CAPN2: variants seen among roughly 807,000 people sequenced by gnomAD.
CAPN2 encodes calpain 2, also known as calpain-2 catalytic subunit.
In CAPN2, 92 loss-of-function variants were observed where a neutral mutation model predicts 102.3. That is an observed-to-expected ratio of 0.90 (90% confidence interval 0.76 to 1.07). The LOEUF is 1.07. Ranked by LOEUF, CAPN2 falls within the 50% of genes least tolerant of loss-of-function variation. The pLI, the probability that CAPN2 is intolerant of heterozygous loss-of-function variation, is 0.00. For missense variants in CAPN2, 800 were observed against 909.4 expected (o/e 0.88, Z 1.55); for synonymous variants, 340 against 355.4 (o/e 0.96, Z 0.49).
At chr1:223,701,674 T>C (rs1339310175) in exon 1 of CAPN2, 2 of 151,944 alleles carry the variant, frequency 1.3e-5, no homozygotes, top group Non-Finnish European at 2.9e-5. Context: ...GATGTTCGAC[T>C]ATGTGGAGAA....
At position 223,744,225 on chromosome 1, in the gene CAPN2, T is replaced by G; in HGVS notation, c.426+7T>G. 6.3e-7 allele frequency: 1 copy of G among 1,582,928 alleles called. No homozygotes were observed. The highest frequency in any genetic ancestry group is 8.7e-7 in the Non-Finnish European group (1 of 1,151,454). The stretch of plus-strand genomic sequence containing the variant: ...AGGGATCTTTCACTTCCAGGTAACT[T>G]AATGGTTGGCTCAGGTGGTTCCTCA... On this transcript the variant is annotated splice_region_variant and intron_variant, in intron 3 of 20. Transcript: ENST00000295006.
Position 223,775,548 on chromosome 1 carries a change from G to A in CAPN2, c.*691G>A, listed in dbSNP as rs1803242. The A allele has an allele frequency of 3.3e-5, 5 of 152,454 alleles. No homozygotes were observed. The highest frequency in any genetic ancestry group is 2.1e-4 in the South Asian group (1 of 4,824). 9.4% of individuals were successfully genotyped at this position (152,454 alleles called of 1,614,324 possible). The stretch of plus-strand genomic sequence containing the variant: ...CTTACAAAGACCAAAGGGATCCTGC[G>A]CTTGATCAACTGAACCAGTATGCCA... On this transcript the variant is annotated 3_prime_UTR_variant, in exon 21 of 21. Transcript: ENST00000295006.
At chr1:223,745,520 C>G (rs1660733068) in intron 4 of CAPN2, 81 bp downstream of exon 4, 5 of 1,555,772 alleles carry the variant, frequency 3.2e-6, no homozygotes, top group Non-Finnish European at 4.4e-6. Flanking sequence ...CCTGTAATCT[C>G]AGCACTTTGG....
chr1:223,754,209 C>T lies in CAPN2; in HGVS notation c.1135+1253C>T, dbSNP rs28370090. ...ATGAGGAAGCTGAGCCTCTAAGTCG[C>T]ATACCAGGGCCACAGAGCAAGTAGT... On this transcript the variant is annotated intron_variant, in intron 9 of 20. Transcript: ENST00000295006. The surrounding 1 kb of genome is among the most constrained non-coding windows in gnomAD (Gnocchi z 4.7). Among the ~76,000 whole-genome samples, 744 of 152,310 alleles carry T rather than the reference C, an allele frequency of 4.9e-3. 4 individuals carry two copies. Among genetic ancestry groups the T allele is most frequent in the African/African-American group, 0.017 (720 of 41,566 alleles).
chr1:223,706,121 A>T (rs1305323582), intron 1 of CAPN2, among the ~76,000 whole-genome samples: 2 of 152,226 alleles, frequency 1.3e-5, no homozygotes, highest in Non-Finnish European at 2.9e-5. Flanking sequence ...TAATACCCTA[A>T]GCTCCAACAG....
At position 223,766,421 on chromosome 1, in the gene CAPN2, A is replaced by G; in HGVS notation, c.1745A>G (p.Asp582Gly). The part of the protein sequence containing the change: ...FSIETCKIMV[D>G]MLDSDGSGKL... ...ATCGAGACATGCAAAATTATGGTTGACATGCTAGATGTATCCTTTAATGTG... is the reference window on the plus strand; with the variant it reads ...ATCGAGACATGCAAAATTATGGTTGGCATGCTAGATGTATCCTTTAATGTG... The change falls in exon 16 of 21, where the codon GAC becomes GGC. Residue 582 changes from aspartate to glycine, a missense_variant. Coordinates refer to ENST00000295006, the MANE Select transcript of CAPN2 (RefSeq NM_001748.5). The G allele has an allele frequency of 1.2e-6, 2 of 1,612,286 alleles. No individual in the cohort carries two copies. The highest frequency in any genetic ancestry group is 2.7e-5 in the African/African-American group (2 of 75,042).
intron 2 of CAPN2, among the ~76,000 whole-genome samples, chr1:223,733,770 C>T (rs1052241667): frequency 4.6e-5 from 7 of 152,194 alleles, no homozygotes; most frequent in African/African-American, 1.7e-4. Context: ...GAGAGGATTT[C>T]CCAGAGACCC....
chr1:223,747,220 G>A (rs1277392616), intron 5 of CAPN2, 55 bp downstream of exon 5: 23 of 1,519,956 alleles, frequency 1.5e-5, no homozygotes, highest in Non-Finnish European at 1.7e-5. Context: ...CTGAAGGGAG[G>A]CTCCCACAGT....
intron 15 of CAPN2, among the ~76,000 whole-genome samples, chr1:223,764,790 G>A (rs1375244365): frequency 6.6e-6 from 1 of 152,106 alleles, no homozygotes; most frequent in African/African-American, 2.4e-5. Context: ...GTTTCTCCAT[G>A]TTGGCCAGGC....
intron 11 of CAPN2, chr1:223,758,954 G>C (rs1371831964): frequency 2.7e-6 from 1 of 370,608 alleles, no homozygotes; most frequent in Non-Finnish European, 5.2e-6. Context: ...GCCTCCCAAA[G>C]TGCTGGTATT....
Position 223,744,219 on chromosome 1 carries a change from G to A in CAPN2, c.426+1G>A. ...CTATGCAGGGATCTTTCACTTCCAG[G>A]TAACTTAATGGTTGGCTCAGGTGGT... On this transcript the variant is annotated splice_donor_variant, in intron 3 of 20. Transcript: ENST00000295006. LOFTEE classifies it high-confidence loss of function. 6.3e-7 allele frequency: 1 copy of A among 1,594,316 alleles called. No homozygotes were observed. The highest frequency in any genetic ancestry group is 8.6e-7 in the Non-Finnish European group (1 of 1,161,868).
chr1:223,714,621 T>TAAAAAAAAAAAAA (rs373544472), intron 1 of CAPN2, among the ~76,000 whole-genome samples: 17 of 130,928 alleles, frequency 1.3e-4, no homozygotes, highest in African/African-American at 2.9e-4. Flanking sequence ...TATAAAAAAG[T>TAAAAAAAAAAAAA]AAAAAAAAAA....
chr1:223,718,946 G>C (rs892539921), intron 2 of CAPN2, among the ~76,000 whole-genome samples: 1 of 152,174 alleles, frequency 6.6e-6, no homozygotes, highest in African/African-American at 2.4e-5. Context: ...ACGGGACCTG[G>C]AAAATTTTCT....
At chr1:223,762,767 A>G (rs1221921876) in intron 14 of CAPN2, among the ~76,000 whole-genome samples, 1 of 151,944 alleles carries the variant, frequency 6.6e-6, no homozygotes, top group African/African-American at 2.4e-5. Context: ...TGCAGCCTCC[A>G]CTTCCTGGGC....
At chr1:223,729,579 A>G (rs1458442318) in intron 2 of CAPN2, among the ~76,000 whole-genome samples, 3 of 152,224 alleles carry the variant, frequency 2.0e-5, no homozygotes, top group Non-Finnish European at 4.4e-5. Context: ...GCAGACATCA[A>G]TCCAGAAAGG....
intron 5 of CAPN2, among the ~76,000 whole-genome samples, 168 bp from the exon 6 acceptor site, chr1:223,748,871 A>T (rs1229993724): frequency 6.6e-6 from 1 of 152,164 alleles, no homozygotes; most frequent in Non-Finnish European, 1.5e-5. Context: ...CGGGGTAGGA[A>T]AGGTTCTCCA....
intron 2 of CAPN2, among the ~76,000 whole-genome samples, chr1:223,719,315 T>C (rs1659965526): frequency 6.6e-6 from 1 of 152,108 alleles, no homozygotes; most frequent in African/African-American, 2.4e-5. Flanking sequence ...GGCAGGCAGA[T>C]CACCTGAGGT....
chr1:223,718,701 T>C (rs1659948856), intron 2 of CAPN2, among the ~76,000 whole-genome samples: 1 of 152,210 alleles, frequency 6.6e-6, no homozygotes, highest in Non-Finnish European at 1.5e-5. Flanking sequence ...CCAGACAAGT[T>C]CATCAGTAGC....
Position 223,745,294 on chromosome 1 carries a change from C to G in CAPN2, c.427-12C>G. On this transcript the variant is annotated splice_polypyrimidine_tract_variant and intron_variant, in intron 3 of 20. Coordinates refer to ENST00000295006, the MANE Select transcript of CAPN2 (RefSeq NM_001748.5). ...CCAGCTCCTCCTGCAGCCCACCTCT[C>G]TTGTTCTGCAGTTCTGGCAATACGG... 6.2e-7 allele frequency: 1 copy of G among 1,614,152 alleles called. No homozygotes were observed. Among genetic ancestry groups the G allele is most frequent in the Non-Finnish European group, 8.5e-7 (1 of 1,180,018 alleles).
Sources: allele counts gnomAD v4.1 joint callset (sites outside exome capture counted in the v4.1 genomes callset), GRCh38; gene constraint gnomAD v4.1.1; non-coding constraint Gnocchi (gnomAD v3.1); transcripts MANE v1.5; gene names NCBI Gene and HGNC (gene_info 2026-07-23, HGNC 2026-07-21).